Variants in SLC29A3 observed in about 807,000 individuals in gnomAD.
SLC29A3 encodes the protein equilibrative nucleoside transporter 3.
SLC29A3 carries 18 observed loss-of-function variants against 25.4 expected under a neutral mutation model. The observed-to-expected ratio is 0.71, with a 90% confidence interval of 0.49 to 1.05. SLC29A3 has a LOEUF of 1.05. SLC29A3 is among the 50% of genes least tolerant of loss of function. The probability of loss-of-function intolerance (pLI) is 0.00; values close to 1 mark genes in which losing one functional copy is unlikely to be tolerated. For missense variants in SLC29A3, 586 were observed against 609.0 expected (o/e 0.96, Z 0.40); for synonymous variants, 258 against 267.1 (o/e 0.97, Z 0.33).
chr10:71,346,593 TA>T, intron 3 of SLC29A3, among the ~76,000 whole-genome samples: 1 of 152,288 alleles, frequency 6.6e-6, no homozygotes, highest in South Asian at 2.1e-4. Context: ...TAGTCCCAGC[TA>T]CTCAGTAGGC....
At chr10:71,326,274 G>T (rs1845963424) in intron 2 of SLC29A3, among the ~76,000 whole-genome samples, 1 of 152,104 alleles carries the variant, frequency 6.6e-6, no homozygotes. Flanking sequence ...ACTTCTTAGG[G>T]CTGTTGTGAG....
At chr10:71,334,812 A>T (rs1328107601) in intron 2 of SLC29A3, among the ~76,000 whole-genome samples, 1 of 152,102 alleles carries the variant, frequency 6.6e-6, no homozygotes, top group Non-Finnish European at 1.5e-5. Context: ...GAGCACATCA[A>T]GCTCATTCCC....
rs778266558 is a variant in SLC29A3 at position 71,362,410 on chromosome 10, G to A, written c.1230G>A (p.Gln410=). The change falls in exon 6 of 6, where the codon CAG becomes CAA. Residue 410 remains glutamine (Q), a synonymous_variant. Transcript: ENST00000373189. ...PRVHLKTVVF[Q]SDVYPALLSS... is the part of the protein sequence containing the mutation. Reference sequence around the variant, plus strand: ...TCCACCTGAAGACTGTGGTCTTCCAGTCCGATGTGTACCCCGCACTCCTCA... The same window carrying A: ...TCCACCTGAAGACTGTGGTCTTCCAATCCGATGTGTACCCCGCACTCCTCA... The A allele has an allele frequency of 3.1e-6, 5 of 1,614,052 alleles. No individual in the cohort carries two copies. The highest frequency in any genetic ancestry group is 3.4e-6 in the Non-Finnish European group (4 of 1,180,050).
chr10:71,345,791 G>A (rs1846557689), intron 3 of SLC29A3, among the ~76,000 whole-genome samples: 1 of 152,214 alleles, frequency 6.6e-6, no homozygotes, highest in Non-Finnish European at 1.5e-5. Context: ...CGCCTCGCAG[G>A]AGAGAGGGTG....
At chr10:71,328,819 G>C (rs1294727540) in intron 2 of SLC29A3, among the ~76,000 whole-genome samples, 1 of 152,206 alleles carries the variant, frequency 6.6e-6, no homozygotes, top group Non-Finnish European at 1.5e-5. Flanking sequence ...AAGGTAGCCA[G>C]GTTGTCCTGG....
Position 71,344,242 on chromosome 10 carries a change from A to G in SLC29A3, c.334A>G (p.Thr112Ala), listed in dbSNP as rs374212391. 486 of 1,614,168 alleles carry G rather than the reference A, an allele frequency of 3.0e-4. 7 individuals carry two copies. In the South Asian group the frequency reaches 4.9e-3, roughly 16 times the overall value. ...TGAGAGCTACCTTGCCGTTGCCTCCACCGTGCCCTCCATGCTGTGCCTGGT... is the reference window on the plus strand; with the variant it reads ...TGAGAGCTACCTTGCCGTTGCCTCCGCCGTGCCCTCCATGCTGTGCCTGGT... ...YFESYLAVASTVPSMLCLVAN... is the reference protein window; with the variant it reads ...YFESYLAVASAVPSMLCLVAN... The change falls in exon 3 of 6, where the codon ACC becomes GCC. Residue 112 changes from threonine to alanine, a missense_variant. By Grantham distance (58) the Thr-to-Ala change is moderately conservative (BLOSUM62 0). Coordinates refer to ENST00000373189, the MANE Select transcript of SLC29A3 (RefSeq NM_018344.6).
Position 71,362,586 on chromosome 10 carries a change from C to T in SLC29A3, c.1406C>T (p.Thr469Ile), listed in dbSNP as rs748043094. Residue 469 changes from threonine (T) to isoleucine (I), a missense_variant, in exon 6 of 6, where the codon ACC (threonine) becomes ATC (isoleucine). Coordinates refer to ENST00000373189, the MANE Select transcript of SLC29A3 (RefSeq NM_018344.6). The stretch of plus-strand genomic sequence containing the variant: ...TTAACACTGGGCTCAGCCTGCTCTA[C>T]CCTCCTGGTGCACCTCATCTAGAAG... ...LGLTLGSACS[T>I]LLVHLI The T allele has an allele frequency of 6.2e-7, 1 of 1,614,144 alleles. No homozygotes were observed. The highest frequency in any genetic ancestry group is 8.5e-7 in the Non-Finnish European group (1 of 1,180,044).
intron 2 of SLC29A3, among the ~76,000 whole-genome samples, chr10:71,337,456 G>A (rs1384957526): frequency 2.0e-5 from 3 of 152,196 alleles, no homozygotes; most frequent in African/African-American, 7.2e-5. Context: ...CTAATTTCAT[G>A]CCCCTGTGAT....
exon 5 of SLC29A3, chr10:71,380,891 A>T (rs1847297644): frequency 6.6e-6 from 1 of 152,184 alleles, no homozygotes; most frequent in African/African-American, 2.4e-5. Context: ...TTTAAACAAA[A>T]CTTTATTATG....
chr10:71,357,996 G>C (rs568035640), intron 5 of SLC29A3, among the ~76,000 whole-genome samples: 1 of 152,322 alleles, frequency 6.6e-6, no homozygotes, highest in African/African-American at 2.4e-5. Flanking sequence ...GTGGCACAAA[G>C]CTAAGCAGTT....
At chr10:71,351,989 G>C (rs1846777739) in intron 4 of SLC29A3, among the ~76,000 whole-genome samples, 1 of 152,218 alleles carries the variant, frequency 6.6e-6, no homozygotes, top group African/African-American at 2.4e-5. Context: ...GTTTGCAGGT[G>C]TAGCTCTTCT....
chr10:71,356,523 C>G (rs1229075598), intron 5 of SLC29A3, among the ~76,000 whole-genome samples: 2 of 152,184 alleles, frequency 1.3e-5, no homozygotes, highest in Non-Finnish European at 2.9e-5. Context: ...TGTGTCCTAC[C>G]TCATACAATG....
chr10:71,371,687 C>A (rs1459455931), intron 3 of SLC29A3, among the ~76,000 whole-genome samples: 1 of 152,200 alleles, frequency 6.6e-6, no homozygotes, highest in African/African-American at 2.4e-5. Flanking sequence ...TGATCTTGGA[C>A]AGGTTTCTTA....
At chr10:71,323,130 G>T in intron 2 of SLC29A3, 76 bp downstream of exon 2, 1 of 1,563,684 alleles carries the variant, frequency 6.4e-7, no homozygotes, top group Admixed American at 1.7e-5. Flanking sequence ...GGAAGATGGA[G>T]ATTTCAGACA....
chr10:71,360,290 C>T lies in SLC29A3; in HGVS notation c.774-1664C>T, dbSNP rs150327924. On this transcript the variant is annotated intron_variant, in intron 5 of 5. Coordinates refer to ENST00000373189, the MANE Select transcript of SLC29A3 (RefSeq NM_018344.6). ...TCCTGAGTAGCTGGGACTACAGTTGCACACCACCATGCCTGGCTAATTTTT... is the reference window on the plus strand; with the variant it reads ...TCCTGAGTAGCTGGGACTACAGTTGTACACCACCATGCCTGGCTAATTTTT... 3.3e-5 allele frequency among the ~76,000 whole-genome samples: 5 copies of T among 152,026 alleles called. No homozygotes were observed. In the East Asian group the frequency reaches 9.7e-4, roughly 29 times the overall value.
chr10:71,376,042 G>A (rs1351490613), intron 4 of SLC29A3, among the ~76,000 whole-genome samples: 4 of 152,122 alleles, frequency 2.6e-5, no homozygotes, highest in South Asian at 2.1e-4. Flanking sequence ...TAGAGGTGGG[G>A]CAAAGTGTAA....
At chr10:71,324,023 G>A (rs1845911771) in intron 2 of SLC29A3, among the ~76,000 whole-genome samples, 1 of 152,150 alleles carries the variant, frequency 6.6e-6, no homozygotes, top group African/African-American at 2.4e-5. Context: ...GGGCAGTAGG[G>A]GAAGAGGATT....
chr10:71,366,253 G>A (rs751510751), downstream of SLC29A3: 1 of 152,228 alleles, frequency 6.6e-6, no homozygotes, highest in Non-Finnish European at 1.5e-5. Flanking sequence ...CTAGTGTTTT[G>A]TGAAAGGTAG....
At chr10:71,374,978 G>A (rs1490989525) in intron 3 of SLC29A3, among the ~76,000 whole-genome samples, 2 of 152,164 alleles carry the variant, frequency 1.3e-5, no homozygotes, top group Non-Finnish European at 2.9e-5. Flanking sequence ...ACAGCTTTTG[G>A]TACATATCAA....
Sources: gnomAD v4.1 joint callset for allele counts (sites outside exome capture counted in the v4.1 genomes callset) on GRCh38, gnomAD v4.1.1 for gene constraint, MANE v1.5 for transcripts, NCBI Gene and HGNC (gene_info 2026-07-23, HGNC 2026-07-21) for gene names.